KLC2: variants seen among roughly 807,000 people sequenced by gnomAD.
KLC2 encodes KLC 2.
In KLC2, 35 loss-of-function variants were observed where a neutral mutation model predicts 75.1. The ratio of observed to expected loss-of-function variants is 0.47; its 90% confidence interval spans 0.36 to 0.62. The LOEUF is 0.62. Among genes scored for constraint, KLC2 ranks in the 20% least tolerant of loss-of-function variants. The probability of loss-of-function intolerance (pLI) is 0.00; values close to 1 mark genes in which losing one functional copy is unlikely to be tolerated. For synonymous variants in KLC2, 314 were observed against 336.7 expected, an observed-to-expected ratio of 0.93 and a Z score of 0.74; for missense variants, 611 against 833.2, an observed-to-expected ratio of 0.73 and a Z score of 3.28.
Position 66,264,349 on chromosome 11 carries a change from C to T in KLC2, c.1121C>T (p.Ser374Phe). The change falls in exon 9 of 16, where the codon TCC becomes TTC. Residue 374 changes from serine (S) to phenylalanine (F), a missense_variant. By Grantham distance (155) the Ser-to-Phe change is radical. Coordinates refer to ENST00000394067, the MANE Select transcript of KLC2 (RefSeq NM_001318734.2). The part of the protein sequence containing the change: ...NVAKTKNNLA[S>F]CYLKQGKYQD... ...CTCTGGGTCTCCCGCTTCCAGGCTTCCTGCTACCTGAAGCAGGGCAAGTAC... is the reference window on the plus strand; with the variant it reads ...CTCTGGGTCTCCCGCTTCCAGGCTTTCTGCTACCTGAAGCAGGGCAAGTAC... The T allele has an allele frequency of 1.2e-6, 2 of 1,611,944 alleles. No homozygotes were observed. The highest frequency in any genetic ancestry group is 1.7e-6 in the Non-Finnish European group (2 of 1,178,892).
rs139565281 is a variant in KLC2, at chr11:66,264,404, C to A, written c.1176C>A (p.Ile392=). The A allele has an allele frequency of 6.2e-7, 1 of 1,613,756 alleles. No homozygotes were observed. The highest frequency in any genetic ancestry group is 8.5e-7 in the Non-Finnish European group (1 of 1,179,850). The change falls in exon 9 of 16, where the codon ATC becomes ATA. Residue 392 remains isoleucine (I), a synonymous_variant. Transcript: ENST00000394067. ...ATGCGGAGACCTTGTACAAGGAGATCCTCACCCGCGCTCATGAGAAAGAGT... is the reference window on the plus strand; with the variant it reads ...ATGCGGAGACCTTGTACAAGGAGATACTCACCCGCGCTCATGAGAAAGAGT... The part of the protein sequence containing the change: ...YQDAETLYKE[I]LTRAHEKEFG...
chr11:66,254,542 G>A (rs1565164550), upstream of KLC2, among the ~76,000 whole-genome samples: 1 of 151,672 alleles, frequency 6.6e-6, no homozygotes, highest in Non-Finnish European at 1.5e-5. Context: ...GCACCTGCCT[G>A]TAGTCCCAGC....
At position 66,267,575 on chromosome 11, in the gene KLC2, C is replaced by G. The variant is rs182499619; in HGVS notation, c.*619C>G. ...TCCTACCCGCGCCATCGCCCCGTGG[C>G]CCAGGACGGGGACCTCCCCTTAGTC... On this transcript the variant is annotated 3_prime_UTR_variant, in exon 16 of 16. Transcript: ENST00000394067. 1,886 of 622,798 alleles carry G rather than the reference C, an allele frequency of 3.0e-3. 28 individuals carry two copies. In the Admixed American group the frequency reaches 0.032, roughly 11 times the overall value. The allele number at this position is 622,798 out of a possible 1,614,324, so 38.6% of individuals were successfully genotyped here. A position where few individuals can be genotyped will look rare whatever the true frequency, so the allele number is the denominator to read the frequency against.
chr11:66,252,514 C>T (rs1255451332), upstream of KLC2, among the ~76,000 whole-genome samples: 1 of 152,178 alleles, frequency 6.6e-6, no homozygotes, highest in Non-Finnish European at 1.5e-5. Flanking sequence ...CCCCCCGCCT[C>T]GGCCTCCCAA....
At position 66,262,729 on chromosome 11, in the gene KLC2, A is replaced by T. The variant is rs1250406816; in HGVS notation, c.530-85A>T. On this transcript the variant is annotated intron_variant, in intron 4 of 15. Transcript: ENST00000394067. ...AGTGACTTGCCCAGGGCCATGTGTC[A>T]AGTGGCTCAAAGGCACAGCTGGCAT... 4 of 952,740 alleles carry T rather than the reference A, an allele frequency of 4.2e-6. No individual in the cohort carries two copies. In the Admixed American group the frequency reaches 7.6e-5, roughly 18 times the overall value. The allele number at this position is 952,740 out of a possible 1,614,324, so 59.0% of individuals were successfully genotyped here.
the KLC2 span, chr11:66,246,094 A>G: frequency 6.6e-6 from 1 of 152,444 alleles, no homozygotes; most frequent in Admixed American, 6.5e-5. Flanking sequence ...CTCTGAGCCT[A>G]GAAAATGAAA....
chr11:66,267,109 AGCCTGAGCCCTGGAGGCTGG>A lies in KLC2; in HGVS notation c.*159_*178del. On this transcript the variant is annotated 3_prime_UTR_variant, in exon 16 of 16. Transcript: ENST00000394067. Reference sequence around the variant, plus strand: ...GGGTAACCTTCTCCCTTGTCATCTCAGCCTGAGCCCTGGAGGCTGGGCCTGCCCACTCCAGCTCCATCCCT... The same window carrying A: ...GGGTAACCTTCTCCCTTGTCATCTCAGCCTGCCCACTCCAGCTCCATCCCT... 6.5e-7 allele frequency: 1 copy of A among 1,529,838 alleles called. No homozygotes were observed. The highest frequency in any genetic ancestry group is 8.8e-7 in the Non-Finnish European group (1 of 1,135,062). The allele number at this position is 1,529,838 out of a possible 1,614,324, so 94.8% of individuals were successfully genotyped here. A position where few individuals can be genotyped will look rare whatever the true frequency, so the allele number is the denominator to read the frequency against.
In KLC2 at chr11:66,267,589, C is replaced by A. The variant is rs956205021; in HGVS notation, c.*633C>A. 1.6e-6 allele frequency: 1 copy of A among 615,900 alleles called. No homozygotes were observed. Among genetic ancestry groups the A allele is most frequent in the African/African-American group, 1.8e-5 (1 of 54,174 alleles). 38.2% of individuals were successfully genotyped at this position (615,900 alleles called of 1,614,324 possible). A position where few individuals can be genotyped will look rare whatever the true frequency, so the allele number is the denominator to read the frequency against. ...TCGCCCCGTGGCCCAGGACGGGGAC[C>A]TCCCCTTAGTCCGTCCTCCCACCGC... On this transcript the variant is annotated 3_prime_UTR_variant, in exon 16 of 16. Transcript: ENST00000394067.
At chr11:66,251,881 G>C in the KLC2 span, among the ~76,000 whole-genome samples, 1 of 152,258 alleles carries the variant, frequency 6.6e-6, no homozygotes, top group Non-Finnish European at 1.5e-5. Flanking sequence ...AACTGGAAGT[G>C]GAATATATGG....
In KLC2 at chr11:66,261,769, G is replaced by A; in HGVS notation, c.256G>A (p.Gly86Arg). 6.2e-7 allele frequency: 1 copy of A among 1,612,192 alleles called. No individual in the cohort carries two copies. Among genetic ancestry groups the A allele is most frequent in the South Asian group, 1.1e-5 (1 of 90,986 alleles). ...QVILALSSHL[G>R]AVESEKQKLR... ...GATCTTGGCATTGTCGAGCCACCTGGGGGCTGTAGAATCAGAGAAGCAGAA... is the reference window on the plus strand; with the variant it reads ...GATCTTGGCATTGTCGAGCCACCTGAGGGCTGTAGAATCAGAGAAGCAGAA... Residue 86 changes from glycine to arginine, a missense_variant, in exon 3 of 16, where the codon GGG (glycine) becomes AGG (arginine). Transcript: ENST00000394067.
chr11:66,258,856 A>C, intron 2 of KLC2, 34 bp downstream of exon 2: 4 of 1,457,636 alleles, frequency 2.7e-6, no homozygotes, highest in Admixed American at 1.7e-5. Flanking sequence ...GTGGGAGGTC[A>C]CTGGAGGGAT....
intron 4 of KLC2, 30 bp downstream of exon 4, chr11:66,262,222 A>G (rs1254772575): frequency 1.3e-6 from 2 of 1,587,852 alleles, no homozygotes; most frequent in Non-Finnish European, 1.7e-6. Flanking sequence ...GAGTGGGGGA[A>G]GGAAAGGTTG....
chr11:66,261,063 TAAAAA>T (rs60556220), intron 2 of KLC2: 453 of 136,290 alleles, frequency 3.3e-3, no homozygotes, highest in Non-Finnish European at 4.7e-3. Flanking sequence ...TGTCTTAAAT[TAAAAA>T]AAAAAAAAAA....
chr11:66,249,484 G>C, the KLC2 span, among the ~76,000 whole-genome samples: 1 of 152,150 alleles, frequency 6.6e-6, no homozygotes, highest in Admixed American at 6.5e-5. Flanking sequence ...CGTGTCCAAG[G>C]ACTGACAGCA....
the KLC2 span, among the ~76,000 whole-genome samples, chr11:66,251,740 C>G: frequency 6.6e-6 from 1 of 152,184 alleles, no homozygotes; most frequent in Non-Finnish European, 1.5e-5. Flanking sequence ...CCATTGCACT[C>G]CAGCCTGGGC....
chr11:66,264,848 C>T (rs1856703618), intron 9 of KLC2, 175 bp from the exon 10 acceptor site: 1 of 620,792 alleles, frequency 1.6e-6, no homozygotes, highest in African/African-American at 1.8e-5. Flanking sequence ...GTGCAAGGGT[C>T]TGTTCTGCTC....
chr11:66,250,418 A>C, the KLC2 span, among the ~76,000 whole-genome samples: 1 of 151,590 alleles, frequency 6.6e-6, no homozygotes, highest in East Asian at 1.9e-4. Flanking sequence ...AGGTTTCTAA[A>C]CCCCATCATC....
At chr11:66,262,054 C>T (rs962186077) in intron 3 of KLC2, 69 bp from the exon 4 acceptor site, 67 of 1,577,728 alleles carry the variant, frequency 4.2e-5, no homozygotes, top group South Asian at 3.9e-4. Context: ...TTCGGCTCCA[C>T]CCCAGCCCAT....
chr11:66,265,218 G>A lies in KLC2; in HGVS notation c.1317G>A (p.Lys439=). ...ATGGGGAATACGGCAGCTGGTACAA[G>A]GCCTGTAAAGTAGACAGGTGAGTGG... ...APYGEYGSWY[K]ACKVDSPTVN... The change falls in exon 11 of 16, where the codon AAG becomes AAA. Residue 439 remains lysine (K), a synonymous_variant. Coordinates refer to ENST00000394067, the MANE Select transcript of KLC2 (RefSeq NM_001318734.2). 2 of 1,579,876 alleles carry A rather than the reference G, an allele frequency of 1.3e-6. No individual in the cohort carries two copies. Among genetic ancestry groups the A allele is most frequent in the Non-Finnish European group, 1.7e-6 (2 of 1,150,278 alleles).
Sources: allele counts gnomAD v4.1 joint callset (sites outside exome capture counted in the v4.1 genomes callset), GRCh38; gene constraint gnomAD v4.1.1; transcripts MANE v1.5; gene names NCBI Gene and HGNC (gene_info 2026-07-23, HGNC 2026-07-21).